The following TRIM33 variants were observed in gnomAD, a reference collection of about 807,000 sequenced individuals.
The protein encoded by TRIM33 is tripartite motif containing 33.
A neutral mutation model predicts 125.4 loss-of-function variants in TRIM33; 20 were observed. The observed-to-expected ratio is 0.16, with a 90% CI of 0.11 to 0.23. The LOEUF (loss-of-function observed/expected upper bound fraction) is 0.23, where lower values mean the gene tolerates loss of function less well. Among genes scored for constraint, TRIM33 ranks in the 10% least tolerant of loss-of-function variants. The probability of loss-of-function intolerance (pLI) is 1.00; values close to 1 mark genes in which losing one functional copy is unlikely to be tolerated. For missense variants in TRIM33, 920 were observed against 1,411.4 expected, an observed-to-expected ratio of 0.65 and a Z score of 5.58; for synonymous variants, 564 against 513.9, an observed-to-expected ratio of 1.10 and a Z score of -1.32.
intron 10 of TRIM33, among the ~76,000 whole-genome samples, chr1:114,423,802 T>C (rs1488578653): frequency 1.3e-5 from 2 of 152,150 alleles, no homozygotes; most frequent in Admixed American, 6.5e-5. Context: ...AGTACGCAGA[T>C]TGACCTGAGA....
intron 4 of TRIM33, among the ~76,000 whole-genome samples, chr1:114,453,021 G>A (rs774634970): frequency 6.6e-6 from 1 of 152,060 alleles, no homozygotes; most frequent in Non-Finnish European, 1.5e-5. Context: ...CGAGGAAGAG[G>A]GGGTGTTGGT....
intron 4 of TRIM33, among the ~76,000 whole-genome samples, chr1:114,446,404 T>C (rs1330057376): frequency 1.3e-5 from 2 of 152,024 alleles, no homozygotes; most frequent in Admixed American, 6.6e-5. Flanking sequence ...TATGTTAAGG[T>C]ATATAATGCA....
intron 7 of TRIM33, 39 bp from the exon 8 acceptor site, chr1:114,427,333 A>G (rs1396734721): frequency 1.9e-6 from 2 of 1,058,382 alleles, no homozygotes; most frequent in Non-Finnish European, 1.4e-6. Context: ...TCAAAATTAA[A>G]TATCAATTGG....
At position 114,394,031 on chromosome 1, in the gene TRIM33, G is replaced by A. The variant is rs538281293; in HGVS notation, c.*3617C>T. ...GAAAAAAAATTAAATATCCAGGTCC[G>A]GTACATGATCAAACTGTATTACACC... is the stretch of plus-strand genomic sequence containing the variant. On this transcript the variant is annotated 3_prime_UTR_variant, in exon 20 of 20. Coordinates refer to ENST00000358465, the MANE Select transcript of TRIM33 (RefSeq NM_015906.4). 1.2e-4 allele frequency: 27 copies of A among 225,990 alleles called. No individual in the cohort carries two copies. The highest frequency in any genetic ancestry group is 2.0e-4 in the Non-Finnish European group (23 of 113,460). The allele number at this position is 225,990 out of a possible 1,614,324, so 14.0% of individuals were successfully genotyped here.
intron 1 of TRIM33, among the ~76,000 whole-genome samples, chr1:114,471,016 C>G (rs1650606106): frequency 6.6e-6 from 1 of 152,148 alleles, no homozygotes; most frequent in African/African-American, 2.4e-5. Flanking sequence ...CCAGGCTGGT[C>G]TCGAACTCCT....
intron 4 of TRIM33, among the ~76,000 whole-genome samples, chr1:114,451,513 T>C (rs1012648731): frequency 2.6e-5 from 4 of 152,148 alleles, no homozygotes; most frequent in Admixed American, 2.0e-4. Flanking sequence ...CCATGGTTTA[T>C]CTAGAAACCT....
In TRIM33 at chr1:114,393,382, A is replaced by T. The variant is rs1651381130; in HGVS notation, c.*4266T>A. ...GAAATTTAGGCCACACTTGAAAGGG[A>T]ATATTGCAGTGGCACTTACAAAATC... On this transcript the variant is annotated 3_prime_UTR_variant, in exon 20 of 20. Transcript: ENST00000358465. 1 of 201,538 alleles carries T rather than the reference A, an allele frequency of 5.0e-6. No individual in the cohort carries two copies. The highest frequency in any genetic ancestry group is 6.0e-5 in the Admixed American group (1 of 16,648). 12.5% of individuals were successfully genotyped at this position (201,538 alleles called of 1,614,324 possible).
chr1:114,418,294 G>A (rs1429970983), intron 11 of TRIM33, among the ~76,000 whole-genome samples: 1 of 152,144 alleles, frequency 6.6e-6, no homozygotes, highest in African/African-American at 2.4e-5. Flanking sequence ...TCCTTCCCTC[G>A]ACCAGTAGGG....
At chr1:114,510,040 C>A (rs1192296635) in intron 1 of TRIM33, among the ~76,000 whole-genome samples, 2 of 152,116 alleles carry the variant, frequency 1.3e-5, no homozygotes, top group African/African-American at 4.8e-5. Flanking sequence ...CTTCTCTGGA[C>A]CCCTTGCTCT....
At chr1:114,429,413 G>C (rs993478704) in intron 6 of TRIM33, among the ~76,000 whole-genome samples, 4 of 150,982 alleles carry the variant, frequency 2.6e-5, no homozygotes, top group African/African-American at 9.7e-5. Flanking sequence ...AGCTGGTCTC[G>C]AACTCCTGAC....
Position 114,397,304 on chromosome 1 carries a change from G to A in TRIM33, c.*344C>T, listed in dbSNP as rs968046214. On this transcript the variant is annotated 3_prime_UTR_variant, in exon 20 of 20. Coordinates refer to ENST00000358465, the MANE Select transcript of TRIM33 (RefSeq NM_015906.4). The stretch of plus-strand genomic sequence containing the variant: ...TGACACGAGTCTCAAGTATTTACTC[G>A]TATACCAAGTATCCTGCACCAATCA... The A allele has an allele frequency of 9.5e-5, 29 of 304,052 alleles. No individual in the cohort carries two copies. The highest frequency in any genetic ancestry group is 4.5e-4 in the African/African-American group (21 of 46,714). The allele number at this position is 304,052 out of a possible 1,614,324, so 18.8% of individuals were successfully genotyped here.
intron 16 of TRIM33, among the ~76,000 whole-genome samples, chr1:114,402,115 G>A (rs931016923): frequency 3.3e-5 from 5 of 152,260 alleles, no homozygotes; most frequent in Middle Eastern, 3.4e-3. Flanking sequence ...ATGCAAAAGA[G>A]TCTGTCTTTG....
chr1:114,434,349 C>T (rs1049416516), intron 4 of TRIM33, among the ~76,000 whole-genome samples: 1 of 152,132 alleles, frequency 6.6e-6, no homozygotes, highest in African/African-American at 2.4e-5. Flanking sequence ...AATGAACATG[C>T]AAATTTACAT....
chr1:114,442,158 T>A (rs187473244), intron 4 of TRIM33, among the ~76,000 whole-genome samples: 1 of 152,330 alleles, frequency 6.6e-6, no homozygotes. Flanking sequence ...AGTACTTGAA[T>A]ATCTACCGAA....
At position 114,464,303 on chromosome 1, in the gene TRIM33, T is replaced by C. The variant is rs771406319; in HGVS notation, c.612A>G (p.Glu204=). The part of the protein sequence containing the change: ...VDNYFVKDTS[E]APSSSDEKSE... The stretch of plus-strand genomic sequence containing the variant: ...ATTTTTCATCAGAACTGCTAGGAGC[T>C]TCAGATGTGTCTTTCACAAAATAAT... Residue 204 remains glutamate (E), a synonymous_variant, in exon 2 of 20, where the codon GAA becomes GAG. Coordinates refer to ENST00000358465, the MANE Select transcript of TRIM33 (RefSeq NM_015906.4). The C allele has an allele frequency of 6.2e-7, 1 of 1,609,454 alleles. No homozygotes were observed. The highest frequency in any genetic ancestry group is 1.1e-5 in the South Asian group (1 of 90,068).
In TRIM33 at chr1:114,404,825, T is replaced by C. The variant is rs1255607203; in HGVS notation, c.2768+585A>G. 4.6e-5 allele frequency: 7 copies of C among 151,682 alleles called. No homozygotes were observed. The East Asian group carries it at 1.4e-3, about 29-fold the overall frequency. The allele number at this position is 151,682 out of a possible 1,614,324, so 9.4% of individuals were successfully genotyped here. ...AAGATATATCTTTTTTTTTTTTTTT[T>C]TTCAATTTATAGCAAGAAAAAAGCT... On this transcript the variant is annotated intron_variant, in intron 15 of 19. Coordinates refer to ENST00000358465, the MANE Select transcript of TRIM33 (RefSeq NM_015906.4).
chr1:114,432,603 G>A (rs1408243011), intron 5 of TRIM33, among the ~76,000 whole-genome samples: 1 of 152,090 alleles, frequency 6.6e-6, no homozygotes, highest in Non-Finnish European at 1.5e-5. Flanking sequence ...TGGCTAACAC[G>A]GTGAAACCCC....
intron 1 of TRIM33, among the ~76,000 whole-genome samples, chr1:114,473,841 G>A (rs1402578608): frequency 6.6e-6 from 1 of 152,044 alleles, no homozygotes; most frequent in African/African-American, 2.4e-5. Context: ...AAATGAGAAT[G>A]AATTAAATAC....
intron 1 of TRIM33, among the ~76,000 whole-genome samples, chr1:114,493,032 T>C (rs527960949): frequency 1.2e-4 from 18 of 152,260 alleles, no homozygotes; most frequent in Admixed American, 6.5e-4. Context: ...ACCAGCAATA[T>C]AGGACTCTAA....
Sources: allele counts gnomAD v4.1 joint callset (sites outside exome capture counted in the v4.1 genomes callset), GRCh38; gene constraint gnomAD v4.1.1; transcripts MANE v1.5; gene names NCBI Gene and HGNC (gene_info 2026-07-23, HGNC 2026-07-21).